MBNL1: variants seen among roughly 807,000 people sequenced by gnomAD.
The protein encoded by MBNL1 is muscleblind-like protein 1.
Under a neutral mutation model 42.2 loss-of-function variants are expected in MBNL1, and 8 were observed. The ratio of observed to expected loss-of-function variants is 0.19; its 90% CI spans 0.11 to 0.34. The LOEUF is 0.34. MBNL1 is among the 10% of genes least tolerant of loss of function. MBNL1 has a pLI of 1.00. For synonymous variants in MBNL1, 169 were observed against 173.9 expected (o/e 0.97, Z 0.22); for missense variants, 309 against 495.3 (o/e 0.62, Z 3.57).
intron 4 of MBNL1, among the ~76,000 whole-genome samples, chr3:152,437,482 G>A (rs2099094214): frequency 6.6e-6 from 1 of 152,194 alleles, no homozygotes; most frequent in East Asian, 1.9e-4. Context: ...CTTATTCTCT[G>A]GGCTTCATAT....
chr3:152,400,089 A>G (rs1035320206), intron 2 of MBNL1, among the ~76,000 whole-genome samples: 3 of 152,168 alleles, frequency 2.0e-5, no homozygotes, highest in Non-Finnish European at 2.9e-5. Context: ...GATTTGTACT[A>G]TGAGGCTAAT....
intron 2 of MBNL1, among the ~76,000 whole-genome samples, chr3:152,248,505 G>T (rs2033697951): frequency 6.6e-6 from 1 of 151,034 alleles, no homozygotes; most frequent in African/African-American, 2.4e-5. Flanking sequence ...TTTTTCTATG[G>T]TCATAATTTT....
chr3:152,323,557 T>TA (rs2077649671), intron 2 of MBNL1, among the ~76,000 whole-genome samples: 1 of 152,296 alleles, frequency 6.6e-6, no homozygotes, highest in Admixed American at 6.5e-5. Context: ...AGAGTATACT[T>TA]ACACAAACCT....
chr3:152,433,521 C>A (rs533939339), intron 4 of MBNL1, among the ~76,000 whole-genome samples: 1 of 151,966 alleles, frequency 6.6e-6, no homozygotes, highest in Non-Finnish European at 1.5e-5. Flanking sequence ...GAGGCCGAGG[C>A]GGGCGGATCA....
At chr3:152,394,919 A>G (rs1248840220) in intron 2 of MBNL1, among the ~76,000 whole-genome samples, 1 of 152,104 alleles carries the variant, frequency 6.6e-6, no homozygotes, top group East Asian at 1.9e-4. Flanking sequence ...AGCGCAGTGG[A>G]GCGATCTCGG....
chr3:152,407,209 C>CTTTTTTTT (rs60509782), intron 2 of MBNL1, among the ~76,000 whole-genome samples: 13 of 54,374 alleles, frequency 2.4e-4, no homozygotes, highest in Non-Finnish European at 4.1e-4. Flanking sequence ...GAAATATGTT[C>CTTTTTTTT]TTTTTTTTTT....
At chr3:152,251,711 C>T (rs936078139) in intron 2 of MBNL1, among the ~76,000 whole-genome samples, 1 of 151,840 alleles carries the variant, frequency 6.6e-6, no homozygotes, top group Non-Finnish European at 1.5e-5. Flanking sequence ...ATGTTGTTTC[C>T]TCTCCTGCTA....
chr3:152,312,664 T>C (rs781399402), intron 2 of MBNL1, among the ~76,000 whole-genome samples: 1 of 152,246 alleles, frequency 6.6e-6, no homozygotes, highest in Non-Finnish European at 1.5e-5. Context: ...ACTTGGTATG[T>C]AATTCAAACT....
chr3:152,453,489 G>A (rs1727649672), intron 6 of MBNL1, among the ~76,000 whole-genome samples: 1 of 152,108 alleles, frequency 6.6e-6, no homozygotes. Flanking sequence ...CTTAAATTTT[G>A]CTTTGTGCTG....
At chr3:152,274,647 T>C (rs1479519386) in intron 1 of MBNL1, among the ~76,000 whole-genome samples, 1 of 152,182 alleles carries the variant, frequency 6.6e-6, no homozygotes, top group South Asian at 2.1e-4. Flanking sequence ...TCAGCAATGG[T>C]TCCATATTTT....
At chr3:152,295,193 T>C (rs2058064720) in intron 1 of MBNL1, among the ~76,000 whole-genome samples, 1 of 152,242 alleles carries the variant, frequency 6.6e-6, no homozygotes, top group South Asian at 2.1e-4. Flanking sequence ...AGTAGCACTT[T>C]TGAAGTAAAT....
chr3:152,419,757 GAC>G (rs2098770675), intron 3 of MBNL1, among the ~76,000 whole-genome samples: 1 of 152,064 alleles, frequency 6.6e-6, no homozygotes, highest in Non-Finnish European at 1.5e-5. Context: ...ACACCAGCGA[GAC>G]AGAACCGTTC....
At position 152,317,330 on chromosome 3, in the gene MBNL1, A is replaced by T. The variant is rs116434262; in HGVS notation, c.174+16963A>T. On this transcript the variant is annotated intron_variant, in intron 2 of 9. Coordinates refer to ENST00000324210, the MANE Select transcript of MBNL1 (RefSeq NM_021038.5). ...TCAAATTATTTATTCCTTTAAAAAA[A>T]TTTTTTTTTCAGAGACAGTCTCACT... Among the ~76,000 whole-genome samples the T allele has an allele frequency of 1.9e-3, 289 of 151,532 alleles. 1 individual carries two copies. Among genetic ancestry groups the T allele is most frequent in the African/African-American group, 6.1e-3 (251 of 41,320 alleles).
At chr3:152,250,335 G>A (rs7372411) in intron 2 of MBNL1, among the ~76,000 whole-genome samples, 72,082 of 149,240 alleles carry the variant, frequency 0.48, 17,967 homozygotes, top group South Asian at 0.57. Flanking sequence ...GGTCCTTCAC[G>A]TCCCTTGTAA....
At chr3:152,432,548 T>G (rs6804771) in intron 3 of MBNL1, among the ~76,000 whole-genome samples, 169 bp from the exon 4 acceptor site, 42,566 of 152,038 alleles carry the variant, frequency 0.28, 6,160 homozygotes, top group African/African-American at 0.36. Context: ...AATGTTTATT[T>G]AATAAAACAG....
At chr3:152,259,495 T>C (rs2035922284) in intron 2 of MBNL1, among the ~76,000 whole-genome samples, 1 of 152,254 alleles carries the variant, frequency 6.6e-6, no homozygotes, top group East Asian at 1.9e-4. Flanking sequence ...TTTTATTTTA[T>C]TTTCAAATAT....
intron 2 of MBNL1, among the ~76,000 whole-genome samples, chr3:152,341,982 A>G (rs2093338164): frequency 1.3e-5 from 2 of 152,192 alleles, no homozygotes; most frequent in Non-Finnish European, 2.9e-5. Flanking sequence ...ATTACCTTTT[A>G]CCTTCAGTCC....
chr3:152,418,748 A>ACTCTGTTG (rs1205488982), intron 3 of MBNL1, among the ~76,000 whole-genome samples: 2 of 129,256 alleles, frequency 1.5e-5, no homozygotes, highest in Non-Finnish European at 3.1e-5. Flanking sequence ...ACAGAATCTC[A>ACTCTGTTG]CTCTGTTGCC....
chr3:152,250,891 T>C (rs890528798), intron 2 of MBNL1, among the ~76,000 whole-genome samples: 7 of 152,112 alleles, frequency 4.6e-5, no homozygotes, highest in Non-Finnish European at 8.8e-5. Flanking sequence ...GTGGTTTTTG[T>C]CTTTGGTTCT....
Sources: allele counts gnomAD v4.1 joint callset (sites outside exome capture counted in the v4.1 genomes callset), GRCh38; gene constraint gnomAD v4.1.1; transcripts MANE v1.5; gene names NCBI Gene and HGNC (gene_info 2026-07-23, HGNC 2026-07-21).